The following ROBO2 variants were observed in gnomAD, a reference collection of about 807,000 sequenced individuals.
ROBO2 encodes roundabout homolog 2.
ROBO2 carries 53 observed loss-of-function variants against 160.8 expected under a neutral mutation model. The ratio of observed to expected loss-of-function variants is 0.33; its 90% confidence interval spans 0.26 to 0.41. The LOEUF (loss-of-function observed/expected upper bound fraction) is 0.41, where lower values mean the gene tolerates loss of function less well. Ranked by LOEUF, ROBO2 falls within the 10% of genes least tolerant of loss-of-function variation. The pLI, the probability that ROBO2 is intolerant of heterozygous loss-of-function variation, is 1.00. For missense variants in ROBO2, 1,577 were observed against 1,722.4 expected (o/e 0.92, Z 1.49); for synonymous variants, 664 against 611.7 (o/e 1.09, Z -1.26).
intron 4 of ROBO2, among the ~76,000 whole-genome samples, chr3:77,488,458 A>T (rs2085653736): frequency 1.3e-5 from 2 of 152,176 alleles, no homozygotes; most frequent in African/African-American, 4.8e-5. Flanking sequence ...ACATGAAAAA[A>T]TCAGTGACCT....
intron 2 of ROBO2, among the ~76,000 whole-genome samples, chr3:76,105,529 C>A (rs2069885225): frequency 1.3e-5 from 2 of 152,054 alleles, no homozygotes; most frequent in African/African-American, 2.4e-5. Flanking sequence ...TTTGATACAG[C>A]TTAATAAAAA....
chr3:76,938,313 T>C (rs1381438122), intron 2 of ROBO2, among the ~76,000 whole-genome samples: 1 of 151,882 alleles, frequency 6.6e-6, no homozygotes, highest in Non-Finnish European at 1.5e-5. Flanking sequence ...GAGACTGTGC[T>C]TCTGCACTCC....
intron 5 of ROBO2, among the ~76,000 whole-genome samples, chr3:77,502,723 G>T (rs1348138710): frequency 6.6e-6 from 1 of 152,120 alleles, no homozygotes; most frequent in African/African-American, 2.4e-5. Context: ...AATGATTTAC[G>T]TAGCATTTAG....
intron 2 of ROBO2, among the ~76,000 whole-genome samples, chr3:76,684,025 TTGTAAC>T (rs2092630745): frequency 6.6e-6 from 1 of 152,104 alleles, no homozygotes; most frequent in Non-Finnish European, 1.5e-5. Flanking sequence ...AAGAGGCTGT[TTGTAAC>T]TGCGATGCCA....
chr3:76,431,925 A>G (rs1336364432), intron 2 of ROBO2, among the ~76,000 whole-genome samples: 2 of 152,198 alleles, frequency 1.3e-5, no homozygotes, highest in Non-Finnish European at 2.9e-5. Flanking sequence ...AAGGTCAAAA[A>G]TTAGATACAT....
Position 76,175,512 on chromosome 3 carries a change from C to T in ROBO2, c.109+237910C>T, listed in dbSNP as rs1427803763. Among the ~76,000 whole-genome samples, 4 of 152,106 alleles carry T rather than the reference C, an allele frequency of 2.6e-5. No individual in the cohort carries two copies. The East Asian group carries it at 7.7e-4, about 29-fold the overall frequency. ...TTTCTCTAAAAGTTTAAACATGCAA[C>T]TCATTTTCTCATGAAGCAAATAATG... On this transcript the variant is annotated intron_variant, in intron 2 of 26. Coordinates refer to the ROBO2 transcript ENST00000487694.
At chr3:76,978,872 T>G (rs1411751615) in intron 2 of ROBO2, among the ~76,000 whole-genome samples, 1 of 151,558 alleles carries the variant, frequency 6.6e-6, no homozygotes, top group East Asian at 1.9e-4. Context: ...TTTCTTGTTT[T>G]ACTTTTTTTT....
chr3:76,030,052 G>A (rs920468978), intron 2 of ROBO2, among the ~76,000 whole-genome samples: 1 of 152,058 alleles, frequency 6.6e-6, no homozygotes, highest in South Asian at 2.1e-4. Context: ...TTTAATGATT[G>A]CCATTCTAAC....
intron 2 of ROBO2, among the ~76,000 whole-genome samples, chr3:77,472,657 AACTT>A (rs2083474817): frequency 6.6e-6 from 1 of 152,122 alleles, no homozygotes; most frequent in Non-Finnish European, 1.5e-5. Flanking sequence ...CCTGTATTCT[AACTT>A]AGATCTGAAA....
intron 2 of ROBO2, among the ~76,000 whole-genome samples, chr3:76,189,624 A>C (rs558648236): frequency 6.6e-6 from 1 of 152,222 alleles, no homozygotes; most frequent in South Asian, 2.1e-4. Flanking sequence ...GTTTGTATTT[A>C]GTGGAAAAGT....
At chr3:77,434,824 T>C (rs1334913832) in intron 2 of ROBO2, among the ~76,000 whole-genome samples, 1 of 152,138 alleles carries the variant, frequency 6.6e-6, no homozygotes, top group Admixed American at 6.6e-5. Context: ...GAAAATGGCT[T>C]CACTGGATAC....
intron 6 of ROBO2, among the ~76,000 whole-genome samples, chr3:77,537,981 C>T (rs995738344): frequency 1.8e-4 from 27 of 152,032 alleles, no homozygotes; most frequent in Admixed American, 1.3e-3. Context: ...GGGGACACAG[C>T]CAAACCATAT....
chr3:77,623,768 C>T (rs1386236022), intron 23 of ROBO2, among the ~76,000 whole-genome samples: 2 of 152,172 alleles, frequency 1.3e-5, no homozygotes, highest in Non-Finnish European at 2.9e-5. Context: ...GGGTAAAATT[C>T]TGCATATTTT....
chr3:77,629,660 T>C (rs1221837685), intron 23 of ROBO2: 5 of 152,192 alleles, frequency 3.3e-5, no homozygotes, highest in African/African-American at 9.6e-5. Context: ...ATATCACATA[T>C]ATGTATACTA....
At chr3:76,739,393 C>T (rs1329511978) in intron 2 of ROBO2, among the ~76,000 whole-genome samples, 1 of 150,146 alleles carries the variant, frequency 6.7e-6, no homozygotes, top group African/African-American at 2.5e-5. Flanking sequence ...AAAAACCAAA[C>T]ACTGCATGTT....
intron 2 of ROBO2, among the ~76,000 whole-genome samples, chr3:77,181,464 G>A (rs978442328): frequency 6.6e-6 from 1 of 152,036 alleles, no homozygotes; most frequent in Admixed American, 6.6e-5. Flanking sequence ...AGGACTTGCT[G>A]TGCTGAAAGA....
At chr3:76,091,551 A>T (rs2069237921) in intron 2 of ROBO2, among the ~76,000 whole-genome samples, 2 of 152,192 alleles carry the variant, frequency 1.3e-5, no homozygotes, top group Admixed American at 1.3e-4. Context: ...CTCTTATCAT[A>T]TAATCTAGCA....
At chr3:77,133,045 A>T (rs1053945125) in intron 2 of ROBO2, among the ~76,000 whole-genome samples, 17 of 152,166 alleles carry the variant, frequency 1.1e-4, no homozygotes, top group African/African-American at 4.1e-4. Context: ...GCATCTAAAT[A>T]ACTTTTAACT....
intron 2 of ROBO2, among the ~76,000 whole-genome samples, chr3:77,109,523 G>T (rs2073293189): frequency 6.6e-6 from 1 of 152,144 alleles, no homozygotes; most frequent in Non-Finnish European, 1.5e-5. Flanking sequence ...AGGAGGAGTT[G>T]CTCTGGTGTG....
Sources: allele counts gnomAD v4.1 joint callset (sites outside exome capture counted in the v4.1 genomes callset), GRCh38; gene constraint gnomAD v4.1.1; transcripts MANE v1.5; gene names NCBI Gene and HGNC (gene_info 2026-07-23, HGNC 2026-07-21).